Variants in EPC1 observed in about 807,000 individuals in gnomAD.
The protein encoded by EPC1 is enhancer of polycomb 1, also known as enhancer of polycomb homolog 1.
Under a neutral mutation model 98.4 loss-of-function variants are expected in EPC1, and 12 were observed. That is an observed-to-expected ratio of 0.12 (90% CI 0.08 to 0.20). The LOEUF (loss-of-function observed/expected upper bound fraction) is 0.20, where lower values mean the gene tolerates loss of function less well. EPC1 is among the 10% of genes least tolerant of loss of function. The pLI is 1.00. For missense variants in EPC1, 729 were observed against 990.5 expected (o/e 0.74, Z 3.54); for synonymous variants, 357 against 363.9 (o/e 0.98, Z 0.21).
intron 1 of EPC1, among the ~76,000 whole-genome samples, chr10:32,360,833 G>A (rs183178263): frequency 0.012 from 1,778 of 151,714 alleles, 39 homozygotes; most frequent in African/African-American, 0.041. Flanking sequence ...GGCGAAGGTT[G>A]CAGTGAGCCG....
At chr10:32,360,830 G>A (rs956912322) in intron 1 of EPC1, among the ~76,000 whole-genome samples, 21 of 151,380 alleles carry the variant, frequency 1.4e-4, no homozygotes, top group African/African-American at 5.1e-4. Flanking sequence ...GGAGGCGAAG[G>A]TTGCAGTGAG....
chr10:32,279,674 G>C (rs1023509844), intron 10 of EPC1, among the ~76,000 whole-genome samples: 2 of 152,150 alleles, frequency 1.3e-5, no homozygotes, highest in Middle Eastern at 3.4e-3. Context: ...ATTGAACATA[G>C]AATTGTAGCT....
intron 1 of EPC1, among the ~76,000 whole-genome samples, chr10:32,323,258 C>G (rs1049552702): frequency 4.8e-4 from 73 of 152,014 alleles, no homozygotes; most frequent in African/African-American, 1.7e-3. Context: ...ACCACAAAAT[C>G]CCCCCCAGTG....
At chr10:32,323,135 T>G (rs1837034879) in intron 1 of EPC1, among the ~76,000 whole-genome samples, 1 of 152,202 alleles carries the variant, frequency 6.6e-6, no homozygotes, top group African/African-American at 2.4e-5. Flanking sequence ...TCCATAATTT[T>G]TTTAAAAAGA....
rs71027082 is a variant in EPC1, at chr10:32,338,942, A to AAAAT, written c.153+7817_153+7820dup. Reference sequence around the variant, plus strand: ...AACAGAGGGAGACCTTGTCTCAAAAAAAATAAATAAATAAATAAATAAAAT... The same window carrying AAAAT: ...AACAGAGGGAGACCTTGTCTCAAAAAAAATAAATAAATAAATAAATAAATAAAAT... On this transcript the variant is annotated intron_variant, in intron 1 of 13. Transcript: ENST00000319778. Among the ~76,000 whole-genome samples, 841 of 111,112 alleles carry AAAAT rather than the reference A, an allele frequency of 7.6e-3. 13 individuals are homozygous for AAAAT. The highest frequency in any genetic ancestry group is 0.02 in the African/African-American group (785 of 38,830). The allele number at this position is 111,112 out of a possible 152,430, so 72.9% of individuals were successfully genotyped here.
Position 32,302,693 on chromosome 10 carries a change from T to A in EPC1, c.313+3079A>T, listed in dbSNP as rs1044625217. Among the ~76,000 whole-genome samples, 8 of 147,412 alleles carry A rather than the reference T, an allele frequency of 5.4e-5. No homozygotes were observed. In the East Asian group the frequency reaches 1.6e-3, roughly 29 times the overall value. On this transcript the variant is annotated intron_variant, in intron 2 of 13. Coordinates refer to ENST00000319778, the MANE Select transcript of EPC1 (RefSeq NM_001272004.3). The stretch of plus-strand genomic sequence containing the variant: ...GGGTGGGGGAGCGGCGCAAAAGACA[T>A]GCACGATCATTTCACCAAAGAGGAT...
At chr10:32,320,588 A>C (rs1836849166) in intron 1 of EPC1, among the ~76,000 whole-genome samples, 1 of 152,172 alleles carries the variant, frequency 6.6e-6, no homozygotes. Flanking sequence ...TTTCTTAATT[A>C]GTCATTTGAC....
At chr10:32,317,209 C>G (rs1836606402) in intron 1 of EPC1, among the ~76,000 whole-genome samples, 1 of 151,962 alleles carries the variant, frequency 6.6e-6, no homozygotes, top group Non-Finnish European at 1.5e-5. Flanking sequence ...TTGCTTTATC[C>G]CAGGTCTACA....
At chr10:32,270,888 A>G (rs183061274) in intron 13 of EPC1, among the ~76,000 whole-genome samples, 1 of 151,000 alleles carries the variant, frequency 6.6e-6, no homozygotes, top group East Asian at 1.9e-4. Flanking sequence ...AGGGGTTTCT[A>G]TCAATTCTAC....
chr10:32,366,495 T>C (rs1297243270), intron 1 of EPC1, among the ~76,000 whole-genome samples: 1 of 152,210 alleles, frequency 6.6e-6, no homozygotes, highest in Non-Finnish European at 1.5e-5. Flanking sequence ...AATTATGATA[T>C]TGAAGAATGA....
chr10:32,273,148 A>G lies in EPC1; in HGVS notation c.1863+15T>C, dbSNP rs907955208. ...AAACAATGAGGGATAATCATAAGACAGACAAATCCCTCACCTGTGATGTGT... is the reference window on the plus strand; with the variant it reads ...AAACAATGAGGGATAATCATAAGACGGACAAATCCCTCACCTGTGATGTGT... On this transcript the variant is annotated intron_variant, in intron 11 of 13. Coordinates refer to ENST00000319778, the MANE Select transcript of EPC1 (RefSeq NM_001272004.3). The G allele has an allele frequency of 6.2e-7, 1 of 1,614,152 alleles. No homozygotes were observed.
At chr10:32,359,498 TC>T (rs1839378017) in intron 1 of EPC1, among the ~76,000 whole-genome samples, 1 of 152,246 alleles carries the variant, frequency 6.6e-6, no homozygotes, top group Non-Finnish European at 1.5e-5. Context: ...AGCTGTAGTT[TC>T]CCCATCCATA....
At chr10:32,344,980 G>A (rs1294014550) in intron 1 of EPC1, 6 of 245,568 alleles carry the variant, frequency 2.4e-5, no homozygotes, top group Non-Finnish European at 3.3e-5. Flanking sequence ...TTTAATCAAG[G>A]CTTTCCCCTT....
intron 2 of EPC1, among the ~76,000 whole-genome samples, chr10:32,304,527 AG>A (rs1460262995): frequency 6.6e-6 from 1 of 152,234 alleles, no homozygotes; most frequent in Non-Finnish European, 1.5e-5. Context: ...CAAGTAGACT[AG>A]TTAAAATTGG....
At chr10:32,286,018 T>C (rs1836661934) in intron 9 of EPC1, 1 of 152,198 alleles carries the variant, frequency 6.6e-6, no homozygotes, top group Non-Finnish European at 1.5e-5. Flanking sequence ...AAAAAATATA[T>C]GTATAAGCCA....
chr10:32,293,104 T>G lies in EPC1; in HGVS notation c.550A>C (p.Asn184His). ...GGAATAAGAGATGGCCCTCGACAGT[T>G]TTTTCTCTTTTTAATCCAATATTCA... Reference protein sequence around the residue: ...VYEYWIKKRKNCRGPSLIPSV... With the variant: ...VYEYWIKKRKHCRGPSLIPSV... Residue 184 changes from asparagine (N) to histidine (H), a missense_variant, in exon 4 of 14, where the codon AAC (asparagine) becomes CAC (histidine). Asn to His is a moderately conservative substitution (Grantham distance 68). This residue lies in a region of EPC1 where 94 missense variants were observed against 125.1 expected (regional missense o/e 0.75). Transcript: ENST00000319778. 2 of 1,613,366 alleles carry G rather than the reference T, an allele frequency of 1.2e-6. No homozygotes were observed. The highest frequency in any genetic ancestry group is 1.7e-6 in the Non-Finnish European group (2 of 1,179,496).
intron 1 of EPC1, among the ~76,000 whole-genome samples, chr10:32,324,652 TTC>T (rs543052804): frequency 2.6e-4 from 40 of 152,090 alleles, no homozygotes; most frequent in African/African-American, 9.6e-4. Context: ...TTAAAAGATA[TTC>T]TTTCTCCTAC....
At chr10:32,356,320 G>T (rs1839276409) in intron 1 of EPC1, among the ~76,000 whole-genome samples, 1 of 152,130 alleles carries the variant, frequency 6.6e-6, no homozygotes, top group Non-Finnish European at 1.5e-5. Context: ...GCTTAGGTAA[G>T]CACTGTGAAT....
At chr10:32,376,052 T>A (rs1398318055) in intron 1 of EPC1, among the ~76,000 whole-genome samples, 1 of 152,036 alleles carries the variant, frequency 6.6e-6, no homozygotes, top group Non-Finnish European at 1.5e-5. Context: ...AATAGTGAAC[T>A]GTTTTTGCCT....
Sources: allele counts gnomAD v4.1 joint callset (sites outside exome capture counted in the v4.1 genomes callset), GRCh38; gene constraint gnomAD v4.1.1; regional missense constraint gnomAD v4.1.1; transcripts MANE v1.5; gene names NCBI Gene and HGNC (gene_info 2026-07-23, HGNC 2026-07-21).